The following KCNE2 variants were observed in gnomAD, a reference collection of about 807,000 sequenced individuals.
KCNE2 encodes the protein potassium voltage-gated channel subfamily E regulatory subunit 2, also known as potassium voltage-gated channel subfamily E member 2.
Under a neutral mutation model 4.5 loss-of-function variants are expected in KCNE2, and 4 were observed. The observed-to-expected ratio is 0.89, with a 90% confidence interval of 0.44 to 2.03. The LOEUF (loss-of-function observed/expected upper bound fraction) is 2.03, where lower values mean the gene tolerates loss of function less well. KCNE2 is among the 30% of genes most tolerant of loss of function. KCNE2 has a pLI of 0.03. For synonymous variants in KCNE2, 57 were observed against 55.9 expected (o/e 1.02, Z -0.09); for missense variants, 137 against 151.4 (o/e 0.90, Z 0.50).
intron 1 of KCNE2, among the ~76,000 whole-genome samples, chr21:34,364,575 G>A (rs1017739908): frequency 2.0e-5 from 3 of 152,042 alleles, no homozygotes; most frequent in African/African-American, 4.8e-5. Flanking sequence ...ATCGAGACCA[G>A]CCTGGCCAAC....
In KCNE2 at chr21:34,370,847, CT is replaced by C. The variant is rs1337880650; in HGVS notation, c.370del (p.Ter124AspfsTer11). 4.3e-6 allele frequency: 7 copies of C among 1,613,434 alleles called. No homozygotes were observed. The highest frequency in any genetic ancestry group is 1.3e-5 in the African/African-American group (1 of 74,892). The part of the protein sequence containing the change: ...IGAAGFKMSP[*>X] ...GTGCGGCTGGGTTCAAAATGTCCCC[CT>C]GATAAGGGAGAAAGGCACCAAGCTA... is the stretch of plus-strand genomic sequence containing the variant. On this transcript the variant is annotated frameshift_variant and stop_lost, in exon 2 of 2. Coordinates refer to ENST00000290310, the MANE Select transcript of KCNE2 (RefSeq NM_172201.2). LOFTEE classifies it high-confidence loss of function.
chr21:34,364,174 T>C (rs567055431), intron 1 of KCNE2, 23 bp downstream of exon 1: 1 of 152,362 alleles, frequency 6.6e-6, no homozygotes, highest in South Asian at 2.1e-4. Flanking sequence ...ACACATTCTT[T>C]ATTTTTTGAG....
In KCNE2 at chr21:34,371,023, T is replaced by A; in HGVS notation, c.*173T>A. ...AATAAAGATAGATGACATTTCAATC[T>A]CAGTGATTTATGCTTGCTTGTTGGA... On this transcript the variant is annotated 3_prime_UTR_variant, in exon 2 of 2. Coordinates refer to ENST00000290310, the MANE Select transcript of KCNE2 (RefSeq NM_172201.2). The A allele has an allele frequency of 1.3e-6, 1 of 791,648 alleles. No individual in the cohort carries two copies. The highest frequency in any genetic ancestry group is 2.1e-6 in the Non-Finnish European group (1 of 480,470). The allele number at this position is 791,648 out of a possible 1,614,324, so 49.0% of individuals were successfully genotyped here. A position where few individuals can be genotyped will look rare whatever the true frequency, so the allele number is the denominator to read the frequency against.
At chr21:34,368,236 AT>A (rs1979410469) in intron 1 of KCNE2, among the ~76,000 whole-genome samples, 4 of 58,634 alleles carry the variant, frequency 6.8e-5, no homozygotes, top group Non-Finnish European at 1.6e-4. Flanking sequence ...CACAATATAT[AT>A]ATATATATAT....
rs1297818777 is a variant in KCNE2 at position 34,368,271 on chromosome 21, ATATATG to A, written c.-12-2192_-12-2187del. 1.0e-3 allele frequency among the ~76,000 whole-genome samples: 111 copies of A among 107,378 alleles called. 2 individuals carry two copies. Among genetic ancestry groups the A allele is most frequent in the East Asian group, 5.8e-3 (22 of 3,804 alleles). 70.4% of individuals were successfully genotyped at this position (107,378 alleles called of 152,430 possible). On this transcript the variant is annotated intron_variant, in intron 1 of 1. Transcript: ENST00000290310. ...ATATATATATATATATGTATGTTAT[ATATATG>A]TATGTTATATATATGTATGTATGTA...
At position 34,365,831 on chromosome 21, in the gene KCNE2, C is replaced by T. The variant is rs759724610; in HGVS notation, c.-13+1680C>T. On this transcript the variant is annotated intron_variant, in intron 1 of 1. Transcript: ENST00000290310. ...AATGTCTTAGCATAATGTCCTTCAA[C>T]GAAGCTGCTTTCACACACTGTGATT... Among the ~76,000 whole-genome samples, 8 of 152,236 alleles carry T rather than the reference C, an allele frequency of 5.3e-5. No homozygotes were observed. The East Asian group carries it at 1.5e-3, about 29-fold the overall frequency.
Position 34,371,311 on chromosome 21 carries a change from A to T in KCNE2, c.*461A>T, listed in dbSNP as rs971570795. 1 of 218,014 alleles carries T rather than the reference A, an allele frequency of 4.6e-6. No individual in the cohort carries two copies. Among genetic ancestry groups the T allele is most frequent in the African/African-American group, 2.3e-5 (1 of 42,774 alleles). The allele number at this position is 218,014 out of a possible 1,614,324, so 13.5% of individuals were successfully genotyped here. A position where few individuals can be genotyped will look rare whatever the true frequency, so the allele number is the denominator to read the frequency against. ...GCTATCACTTGCTTACCAGACGGAC[A>T]TAGGAGCATTTATCTGTAATATTAA... is the stretch of plus-strand genomic sequence containing the variant. On this transcript the variant is annotated 3_prime_UTR_variant, in exon 2 of 2. Coordinates refer to ENST00000290310, the MANE Select transcript of KCNE2 (RefSeq NM_172201.2).
In KCNE2 at chr21:34,370,486, C is replaced by T; in HGVS notation, c.8C>T (p.Thr3Ile). ...TTGCAGCAGGAGGGAAGCATGTCTACTTTATCCAATTTCACACAGACGCTG... is the reference window on the plus strand; with the variant it reads ...TTGCAGCAGGAGGGAAGCATGTCTATTTTATCCAATTTCACACAGACGCTG... MS[T>I]LSNFTQTLED... Residue 3 changes from threonine to isoleucine, a missense_variant, in exon 2 of 2, where the codon ACT (threonine) becomes ATT (isoleucine). Transcript: ENST00000290310. 1.2e-6 allele frequency: 2 copies of T among 1,614,184 alleles called. No individual in the cohort carries two copies. The highest frequency in any genetic ancestry group is 1.7e-6 in the Non-Finnish European group (2 of 1,180,030).
rs780534713 is a variant in KCNE2, at chr21:34,370,685, G to A, written c.207G>A (p.Val69=). The change falls in exon 2 of 2, where the codon GTG becomes GTA. Residue 69 remains valine (V), a synonymous_variant. Transcript: ENST00000290310. ...MFSFIIVAIL[V]STVKSKRREH... ...CTTTCATCATCGTGGCCATCCTGGT[G>A]AGCACTGTGAAATCCAAGAGACGGG... The A allele has an allele frequency of 3.2e-5, 52 of 1,614,062 alleles. 1 individual carries two copies. The South Asian group carries it at 4.2e-4, about 13-fold the overall frequency.
chr21:34,364,779 A>G (rs1205778367), intron 1 of KCNE2, among the ~76,000 whole-genome samples: 1 of 151,998 alleles, frequency 6.6e-6, no homozygotes, highest in Non-Finnish European at 1.5e-5. Flanking sequence ...TCTCAAAAAA[A>G]AAAAAAAGAA....
At chr21:34,368,229 A>ACACACACACACTAT (rs781775671) in intron 1 of KCNE2, among the ~76,000 whole-genome samples, 1 of 84,810 alleles carries the variant, frequency 1.2e-5, no homozygotes. Flanking sequence ...ACACACACAC[A>ACACACACACACTAT]ATATATATAT....
intron 1 of KCNE2, among the ~76,000 whole-genome samples, chr21:34,368,364 G>C (rs1360674486): frequency 6.6e-6 from 1 of 150,914 alleles, no homozygotes; most frequent in East Asian, 1.9e-4. Context: ...ACTTTGGGAG[G>C]CCGAGGCAGG....
In KCNE2 at chr21:34,371,169, A is replaced by G. The variant is rs901933072; in HGVS notation, c.*319A>G. The G allele has an allele frequency of 1.3e-5, 5 of 371,702 alleles. No individual in the cohort carries two copies. The allele number at this position is 371,702 out of a possible 1,614,324, so 23.0% of individuals were successfully genotyped here. On this transcript the variant is annotated 3_prime_UTR_variant, in exon 2 of 2. Transcript: ENST00000290310. ...AAGTGTCTGGGCAGTGGCTGTGGGG[A>G]TAGAAAGGAGAGATTTACAAATCAT...
intron 1 of KCNE2, among the ~76,000 whole-genome samples, chr21:34,364,645 C>T (rs551744240): frequency 1.3e-5 from 2 of 151,866 alleles, no homozygotes; most frequent in Non-Finnish European, 2.9e-5. Context: ...TGGTGGCTGG[C>T]GCCTGTAGTC....
chr21:34,369,131 A>T (rs1404353467), intron 1 of KCNE2, among the ~76,000 whole-genome samples: 1 of 152,182 alleles, frequency 6.6e-6, no homozygotes, highest in Non-Finnish European at 1.5e-5. Context: ...AGGGTAACTG[A>T]GGAGGTGGTC....
chr21:34,369,659 T>C (rs1282295418), intron 1 of KCNE2, among the ~76,000 whole-genome samples: 1 of 152,182 alleles, frequency 6.6e-6, no homozygotes, highest in Non-Finnish European at 1.5e-5. Flanking sequence ...GTTGGCATTG[T>C]ATTATCCAGG....
At chr21:34,366,060 C>A (rs1049196637) in intron 1 of KCNE2, among the ~76,000 whole-genome samples, 1 of 152,172 alleles carries the variant, frequency 6.6e-6, no homozygotes, top group Admixed American at 6.5e-5. Context: ...AGCAGTGGGG[C>A]CTTTGTTCAC....
intron 1 of KCNE2, among the ~76,000 whole-genome samples, chr21:34,368,254 A>C (rs1208020793): frequency 1.9e-5 from 2 of 104,814 alleles, no homozygotes; most frequent in African/African-American, 8.9e-5. Flanking sequence ...ATATATATAT[A>C]TATATATGTA....
chr21:34,367,841 C>G (rs1979376139), intron 1 of KCNE2, among the ~76,000 whole-genome samples: 2 of 152,100 alleles, frequency 1.3e-5, no homozygotes, highest in Non-Finnish European at 2.9e-5. Context: ...TTACTAGTGG[C>G]TAGTCACAGG....
Sources: allele counts gnomAD v4.1 joint callset (sites outside exome capture counted in the v4.1 genomes callset), GRCh38; gene constraint gnomAD v4.1.1; transcripts MANE v1.5; gene names NCBI Gene and HGNC (gene_info 2026-07-23, HGNC 2026-07-21).